The following PPM1B variants were observed in gnomAD, a reference collection of about 807,000 sequenced individuals.
PPM1B encodes the protein protein phosphatase 1B.
A neutral mutation model predicts 43.0 loss-of-function variants in PPM1B; 22 were observed. That is an observed-to-expected ratio of 0.51 (90% CI 0.37 to 0.73). The LOEUF (loss-of-function observed/expected upper bound fraction) is 0.73, where lower values mean the gene tolerates loss of function less well. PPM1B is among the 30% of genes least tolerant of loss of function. PPM1B has a pLI of 0.00. For missense variants in PPM1B, 632 were observed against 584.2 expected (o/e 1.08, Z -0.84); for synonymous variants, 217 against 197.9 (o/e 1.10, Z -0.81).
intron 5 of PPM1B, among the ~76,000 whole-genome samples, chr2:44,221,340 G>T (rs1669968810): frequency 6.6e-6 from 1 of 152,156 alleles, no homozygotes; most frequent in Non-Finnish European, 1.5e-5. Context: ...ATTGCAAGTA[G>T]CAGAAATGTG....
intron 1 of PPM1B, among the ~76,000 whole-genome samples, chr2:44,184,534 C>T (rs1475096314): frequency 4.6e-5 from 7 of 152,116 alleles, no homozygotes; most frequent in East Asian, 1.9e-4. Flanking sequence ...TAAATGCCCC[C>T]GAATTTATGT....
At position 44,201,541 on chromosome 2, in the gene PPM1B, T is replaced by C; in HGVS notation, c.342T>C (p.Asp114=). ...NGIRTGFLKI[D]EYMRNFSDLR... is the part of the protein sequence containing the mutation. ...TCAGAACTGGATTTTTGAAAATTGA[T>C]GAATACATGCGTAACTTTTCAGACC... The change falls in exon 2 of 6, where the codon GAT becomes GAC. Residue 114 remains aspartate, a synonymous_variant. Transcript: ENST00000282412. The surrounding 1 kb of genome is among the most constrained non-coding windows in gnomAD (Gnocchi z 5.4). 1 of 1,614,206 alleles carries C rather than the reference T, an allele frequency of 6.2e-7. No individual in the cohort carries two copies.
chr2:44,209,168 G>T, intron 2 of PPM1B, 42 bp from the exon 3 acceptor site: 1 of 1,470,282 alleles, frequency 6.8e-7, no homozygotes. Flanking sequence ...ATAGTTGATT[G>T]TAGAAATACA....
chr2:44,227,166 G>C (rs1015643689), intron 5 of PPM1B, among the ~76,000 whole-genome samples: 1 of 151,906 alleles, frequency 6.6e-6, no homozygotes, highest in Non-Finnish European at 1.5e-5. Context: ...GTAGAGACGG[G>C]GTCTCCCCGT....
Position 44,169,103 on chromosome 2 carries a change from C to T in PPM1B, c.-186C>T. 5.5e-6 allele frequency: 1 copy of T among 180,392 alleles called. No individual in the cohort carries two copies. Among genetic ancestry groups the T allele is most frequent in the Non-Finnish European group, 1.2e-5 (1 of 86,612 alleles). 11.2% of individuals were successfully genotyped at this position (180,392 alleles called of 1,614,324 possible). ...GGTGGAGAGAAGGCGGCATCGGCGGCGGCGGCGGCGTGAGGGGCCGGGCGG... is the reference window on the plus strand; with the variant it reads ...GGTGGAGAGAAGGCGGCATCGGCGGTGGCGGCGGCGTGAGGGGCCGGGCGG... On this transcript the variant is annotated 5_prime_UTR_variant, in exon 1 of 6. Coordinates refer to ENST00000282412, the MANE Select transcript of PPM1B (RefSeq NM_002706.6).
At chr2:44,233,643 A>G (rs993108505), downstream of PPM1B, 10 of 985,646 alleles carry the variant, frequency 1.0e-5, no homozygotes, top group Non-Finnish European at 1.1e-5. Flanking sequence ...AAAATGAGTC[A>G]TCATCTGGTC....
chr2:44,204,783 C>G (rs149164882), intron 2 of PPM1B, among the ~76,000 whole-genome samples: 1 of 139,304 alleles, frequency 7.2e-6, no homozygotes, highest in Admixed American at 8.0e-5. Flanking sequence ...GACTTGAACC[C>G]GGGAGGCAGA....
chr2:44,185,900 T>C (rs1190489618), intron 1 of PPM1B, among the ~76,000 whole-genome samples: 1 of 152,222 alleles, frequency 6.6e-6, no homozygotes, highest in Non-Finnish European at 1.5e-5. Context: ...ATGCCACTGA[T>C]ACTACAGTTC....
At chr2:44,178,683 G>T (rs1048891133) in intron 1 of PPM1B, among the ~76,000 whole-genome samples, 4 of 151,708 alleles carry the variant, frequency 2.6e-5, no homozygotes, top group African/African-American at 9.7e-5. Flanking sequence ...GTTGGCCAGG[G>T]TGGTCTGAAC....
At chr2:44,176,759 C>A (rs1667600737) in intron 1 of PPM1B, among the ~76,000 whole-genome samples, 1 of 152,170 alleles carries the variant, frequency 6.6e-6, no homozygotes, top group Non-Finnish European at 1.5e-5. Flanking sequence ...GAGTCAGTTT[C>A]ATTTGATCTT....
chr2:44,223,633 C>T (rs1422660280), intron 5 of PPM1B, among the ~76,000 whole-genome samples: 1 of 151,306 alleles, frequency 6.6e-6, no homozygotes, highest in Non-Finnish European at 1.5e-5. Flanking sequence ...CATGGTGAAA[C>T]CCCGTCTCTA....
At chr2:44,195,093 A>G (rs755524458) in intron 1 of PPM1B, among the ~76,000 whole-genome samples, 2 of 151,534 alleles carry the variant, frequency 1.3e-5, no homozygotes, top group Non-Finnish European at 2.9e-5. Context: ...GGGTTTCACC[A>G]TATTGGCCAG....
intron 1 of PPM1B, among the ~76,000 whole-genome samples, chr2:44,170,241 C>T (rs1024228271): frequency 2.0e-5 from 3 of 152,112 alleles, no homozygotes; most frequent in Admixed American, 2.0e-4. Context: ...CTTCTAAGAA[C>T]AACTTGAAAA....
chr2:44,224,675 G>A (rs1670134786), intron 5 of PPM1B, among the ~76,000 whole-genome samples: 1 of 141,682 alleles, frequency 7.1e-6, no homozygotes, highest in Admixed American at 7.7e-5. Flanking sequence ...TTTAAGCTAT[G>A]TTAGTCTAGC....
At chr2:44,209,379 G>T in intron 3 of PPM1B, 52 bp downstream of exon 3, 1 of 1,585,870 alleles carries the variant, frequency 6.3e-7, no homozygotes, top group Non-Finnish European at 8.6e-7. Flanking sequence ...GGTAGCTCAT[G>T]CCTGTAATCC....
At chr2:44,234,199 T>C, downstream of PPM1B, 1 of 983,578 alleles carries the variant, frequency 1.0e-6, no homozygotes, top group Non-Finnish European at 1.2e-6. Context: ...CCTTCTGTAC[T>C]CTAGAAATAT....
At chr2:44,184,096 G>A (rs1014780464) in intron 1 of PPM1B, among the ~76,000 whole-genome samples, 2 of 152,192 alleles carry the variant, frequency 1.3e-5, no homozygotes. Context: ...TAACCTCATT[G>A]TATGTTTCCT....
chr2:44,212,938 G>T lies in PPM1B; in HGVS notation c.964+3611G>T, dbSNP rs936078753. Reference sequence around the variant, plus strand: ...TGAGGCAGGAGAATGGTGTGAACCTGGGAGGTGGAGCTTGCAGTGAGCCAA... The same window carrying T: ...TGAGGCAGGAGAATGGTGTGAACCTTGGAGGTGGAGCTTGCAGTGAGCCAA... On this transcript the variant is annotated intron_variant, in intron 3 of 5. Transcript: ENST00000282412. Among the ~76,000 whole-genome samples, 3 of 151,406 alleles carry T rather than the reference G, an allele frequency of 2.0e-5. No homozygotes were observed. In the East Asian group the frequency reaches 5.8e-4, roughly 29 times the overall value.
At chr2:44,169,667 C>G (rs1011267995) in intron 1 of PPM1B, among the ~76,000 whole-genome samples, 4 of 152,264 alleles carry the variant, frequency 2.6e-5, no homozygotes, top group Non-Finnish European at 5.9e-5. Context: ...TGTTTGAAAA[C>G]ACTATCTTTT....
Sources: gnomAD v4.1 joint callset for allele counts (sites outside exome capture counted in the v4.1 genomes callset) on GRCh38, gnomAD v4.1.1 for gene constraint, Gnocchi (gnomAD v3.1) non-coding constraint, MANE v1.5 for transcripts, NCBI Gene and HGNC (gene_info 2026-07-23, HGNC 2026-07-21) for gene names.